EPHA3: variants seen among roughly 807,000 people sequenced by gnomAD.
The protein encoded by EPHA3 is EPH receptor A3.
EPHA3 carries 42 observed loss-of-function variants against 107.1 expected under a neutral mutation model. That is an observed-to-expected ratio of 0.39 (90% CI 0.31 to 0.51). The LOEUF is 0.51. Among genes scored for constraint, EPHA3 ranks in the 20% least tolerant of loss-of-function variants. The pLI, the probability that EPHA3 is intolerant of heterozygous loss-of-function variation, is 0.78. For synonymous variants in EPHA3, 461 were observed against 424.8 expected (o/e 1.09, Z -1.05); for missense variants, 1,183 against 1,211.2 (o/e 0.98, Z 0.35).
chr3:89,220,450 T>A (rs1704345813), intron 3 of EPHA3, among the ~76,000 whole-genome samples: 1 of 152,154 alleles, frequency 6.6e-6, no homozygotes, highest in African/African-American at 2.4e-5. Flanking sequence ...AATAGTGACA[T>A]GAAGATGGAT....
chr3:89,278,463 T>G (rs1402730482), intron 3 of EPHA3, among the ~76,000 whole-genome samples: 1 of 152,158 alleles, frequency 6.6e-6, no homozygotes, highest in Non-Finnish European at 1.5e-5. Flanking sequence ...TTGCTCTCAG[T>G]GTCTGCCGTT....
At position 89,333,711 on chromosome 3, in the gene EPHA3, A is replaced by G. The variant is rs112515901; in HGVS notation, c.815-7205A>G. On this transcript the variant is annotated intron_variant, in intron 3 of 16. Transcript: ENST00000336596. Reference sequence around the variant, plus strand: ...AGTATGGTGAAACCCCATCTTTACTAAAAATACAAAAATTAGTTGGTGTGG... The same window carrying G: ...AGTATGGTGAAACCCCATCTTTACTGAAAATACAAAAATTAGTTGGTGTGG... Among the ~76,000 whole-genome samples the G allele has an allele frequency of 4.7e-3, 713 of 152,154 alleles. 5 individuals are homozygous for G. The highest frequency in any genetic ancestry group is 0.016 in the African/African-American group (681 of 41,510).
At chr3:89,125,906 T>C (rs762557953) in intron 1 of EPHA3, among the ~76,000 whole-genome samples, 2 of 151,678 alleles carry the variant, frequency 1.3e-5, no homozygotes, top group African/African-American at 2.4e-5. Flanking sequence ...TTTTATAAGA[T>C]TAATATTTCC....
chr3:89,123,046 C>T (rs1388772575), intron 1 of EPHA3, among the ~76,000 whole-genome samples: 1 of 152,126 alleles, frequency 6.6e-6, no homozygotes, highest in African/African-American at 2.4e-5. Flanking sequence ...CAGTAGAAAT[C>T]AGTGGCAGAA....
At chr3:89,453,866 T>C (rs1710045427) in intron 15 of EPHA3, among the ~76,000 whole-genome samples, 1 of 152,158 alleles carries the variant, frequency 6.6e-6, no homozygotes, top group Non-Finnish European at 1.5e-5. Flanking sequence ...CACCTACCCA[T>C]ATCGTCCTTC....
intron 11 of EPHA3, among the ~76,000 whole-genome samples, chr3:89,427,603 A>G (rs777082673): frequency 1.3e-5 from 2 of 151,948 alleles, no homozygotes; most frequent in Non-Finnish European, 1.5e-5. Context: ...AAAATAGTAT[A>G]AGAATAATAA....
chr3:89,161,397 T>C (rs1457100446), intron 2 of EPHA3, among the ~76,000 whole-genome samples: 2 of 152,198 alleles, frequency 1.3e-5, no homozygotes, highest in African/African-American at 4.8e-5. Context: ...AATGTTTACA[T>C]AGTATAAATA....
At chr3:89,212,107 T>G (rs1158529500) in intron 3 of EPHA3, among the ~76,000 whole-genome samples, 2 of 151,876 alleles carry the variant, frequency 1.3e-5, no homozygotes, top group African/African-American at 4.8e-5. Context: ...GTATAAAAAT[T>G]AGTAAGGAAG....
chr3:89,429,899 G>C (rs1241164223), intron 12 of EPHA3, among the ~76,000 whole-genome samples: 3 of 151,964 alleles, frequency 2.0e-5, no homozygotes, highest in Non-Finnish European at 4.4e-5. Context: ...AAATAGCAGG[G>C]ATTACAGGCG....
At chr3:89,339,949 T>A (rs1157782333) in intron 3 of EPHA3, among the ~76,000 whole-genome samples, 1 of 152,186 alleles carries the variant, frequency 6.6e-6, no homozygotes, top group Non-Finnish European at 1.5e-5. Context: ...CCTTCTCAAA[T>A]GAATTACTAG....
intron 5 of EPHA3, among the ~76,000 whole-genome samples, chr3:89,370,506 G>T (rs1177889472): frequency 6.6e-6 from 1 of 151,462 alleles, no homozygotes; most frequent in Non-Finnish European, 1.5e-5. Context: ...GGGGACTGTT[G>T]TGGGGTGGGA....
chr3:89,185,112 T>C (rs954684450), intron 2 of EPHA3, among the ~76,000 whole-genome samples: 2 of 152,060 alleles, frequency 1.3e-5, no homozygotes, highest in African/African-American at 2.4e-5. Context: ...CAAAGTATGG[T>C]AAAGAACCTA....
chr3:89,203,637 C>T (rs1354294668), intron 2 of EPHA3, among the ~76,000 whole-genome samples: 6 of 151,988 alleles, frequency 3.9e-5, no homozygotes, highest in Middle Eastern at 3.4e-3. Context: ...ATCAGCCGGG[C>T]GCAGTGGCGG....
intron 7 of EPHA3, among the ~76,000 whole-genome samples, chr3:89,405,587 G>A (rs555255969): frequency 8.5e-4 from 129 of 152,206 alleles, no homozygotes; most frequent in African/African-American, 2.9e-3. Flanking sequence ...TATCTGTCAC[G>A]TTTCTTTTCT....
intron 3 of EPHA3, among the ~76,000 whole-genome samples, chr3:89,303,349 C>A (rs367897827): frequency 2.0e-5 from 3 of 150,818 alleles, no homozygotes; most frequent in African/African-American, 7.3e-5. Context: ...AAGCTTCTAT[C>A]CCAGCACCAG....
At chr3:89,154,558 C>A (rs1704757344) in intron 2 of EPHA3, among the ~76,000 whole-genome samples, 1 of 151,414 alleles carries the variant, frequency 6.6e-6, no homozygotes, top group African/African-American at 2.4e-5. Flanking sequence ...TAATGAACAG[C>A]TATACTGAAC....
Position 89,240,482 on chromosome 3 carries a change from G to T in EPHA3, c.814+29962G>T, listed in dbSNP as rs554662365. ...GTTAATTAAGAAAATTACATTTCAT[G>T]ACACATATAATAAAGAATATTCTTT... is the stretch of plus-strand genomic sequence containing the variant. On this transcript the variant is annotated intron_variant, in intron 3 of 16. Transcript: ENST00000336596. 2.0e-5 allele frequency among the ~76,000 whole-genome samples: 3 copies of T among 152,020 alleles called. 1 individual carries two copies. In the South Asian group the frequency reaches 6.2e-4, roughly 32 times the overall value.
At chr3:89,459,975 T>C (rs550109371) in intron 15 of EPHA3, among the ~76,000 whole-genome samples, 4 of 152,320 alleles carry the variant, frequency 2.6e-5, no homozygotes. Flanking sequence ...AAAACATATT[T>C]TGAAAGATTA....
intron 3 of EPHA3, among the ~76,000 whole-genome samples, chr3:89,301,211 G>A (rs1323075436): frequency 3.3e-5 from 5 of 152,060 alleles, no homozygotes; most frequent in Admixed American, 6.6e-5. Context: ...CTCTCATGGC[G>A]ATGCAGAAAA....
Sources: gnomAD v4.1 joint callset for allele counts (sites outside exome capture counted in the v4.1 genomes callset) on GRCh38, gnomAD v4.1.1 for gene constraint, MANE v1.5 for transcripts, NCBI Gene and HGNC (gene_info 2026-07-23, HGNC 2026-07-21) for gene names.